The following SMG6 variants were observed in gnomAD, a reference collection of about 807,000 sequenced individuals.
SMG6 encodes the protein SMG6 nonsense mediated mRNA decay factor.
SMG6 carries 66 observed loss-of-function variants against 142.2 expected under a neutral mutation model. The ratio of observed to expected loss-of-function variants is 0.46; its 90% CI spans 0.38 to 0.57. SMG6 has a LOEUF of 0.57. SMG6 is among the 20% of genes least tolerant of loss of function. The pLI, the probability that SMG6 is intolerant of heterozygous loss-of-function variation, is 0.00. For synonymous variants in SMG6, 779 were observed against 702.4 expected, an observed-to-expected ratio of 1.11 and a Z score of -1.72; for missense variants, 1,793 against 1,832.0, an observed-to-expected ratio of 0.98 and a Z score of 0.39.
intron 13 of SMG6, among the ~76,000 whole-genome samples, chr17:2,169,063 T>TA (rs2071426222): frequency 6.6e-6 from 1 of 151,448 alleles, no homozygotes; most frequent in Non-Finnish European, 1.5e-5. Flanking sequence ...TTTTTTTTTT[T>TA]AATCAGCCAG....
In SMG6 at chr17:2,183,745, GACACACACACAC is replaced by G. The variant is rs56210030; in HGVS notation, c.3155+2906_3155+2917del. 7.5e-3 allele frequency among the ~76,000 whole-genome samples: 1,094 copies of G among 146,436 alleles called. 9 individuals carry two copies. The highest frequency in any genetic ancestry group is 0.016 in the African/African-American group (653 of 39,858). On this transcript the variant is annotated intron_variant, in intron 12 of 18. Coordinates refer to ENST00000263073, the MANE Select transcript of SMG6 (RefSeq NM_017575.5). ...GCTGATCCCTGATACAGGTGCGTGC[GACACACACACAC>G]ACACACACACACACACACACACACA...
chr17:2,267,361 A>AT (rs5818851), intron 8 of SMG6, among the ~76,000 whole-genome samples: 41,781 of 147,774 alleles, frequency 0.28, 6,595 homozygotes, highest in Admixed American at 0.36. Flanking sequence ...CACCTGGCTA[A>AT]TTTTTTTTTT....
At chr17:2,149,577 G>T (rs1213735938) in intron 13 of SMG6, among the ~76,000 whole-genome samples, 1 of 152,178 alleles carries the variant, frequency 6.6e-6, no homozygotes, top group Non-Finnish European at 1.5e-5. Flanking sequence ...GGGCTGTCCC[G>T]TGACCCCCAT....
At chr17:2,241,686 C>T (rs1055034410) in intron 9 of SMG6, among the ~76,000 whole-genome samples, 5 of 152,132 alleles carry the variant, frequency 3.3e-5, no homozygotes, top group Non-Finnish European at 7.3e-5. Flanking sequence ...CCACCGCACC[C>T]GGTCATTATC....
rs2068044422 is a variant in SMG6, at chr17:2,069,617, C to A, written c.3682-686G>T. Among the ~76,000 whole-genome samples the A allele has an allele frequency of 1.3e-5, 2 of 152,096 alleles. 1 individual carries two copies. The highest frequency in any genetic ancestry group is 4.2e-4 in the South Asian group (2 of 4,810). ...TCTCAAAAAACAAAAACAACAACAA[C>A]AAACAACGAACAATGAAGTTGAACT... is the stretch of plus-strand genomic sequence containing the variant. On this transcript the variant is annotated intron_variant, in intron 15 of 18. Transcript: ENST00000263073.
At chr17:2,120,104 G>A (rs755031989) in intron 13 of SMG6, among the ~76,000 whole-genome samples, 3 of 152,234 alleles carry the variant, frequency 2.0e-5, no homozygotes, top group Non-Finnish European at 4.4e-5. Flanking sequence ...CACCGCGCCC[G>A]GCCTCCATAC....
At chr17:2,238,819 G>C (rs1333314833) in intron 9 of SMG6, among the ~76,000 whole-genome samples, 1 of 152,098 alleles carries the variant, frequency 6.6e-6, no homozygotes, top group African/African-American at 2.4e-5. Context: ...TTTATAAAAA[G>C]TTTTTTAAAA....
chr17:2,078,124 A>G (rs2068311039), intron 15 of SMG6, among the ~76,000 whole-genome samples: 2 of 152,158 alleles, frequency 1.3e-5, no homozygotes, highest in Admixed American at 1.3e-4. Flanking sequence ...CTGGTATGCT[A>G]CAAACTCCAG....
At chr17:2,095,388 T>C (rs1476660259) in intron 13 of SMG6, among the ~76,000 whole-genome samples, 1 of 152,196 alleles carries the variant, frequency 6.6e-6, no homozygotes, top group Admixed American at 6.5e-5. Flanking sequence ...AATTTGCTCC[T>C]AATTGTATTT....
At chr17:2,275,031 G>A (rs2074618356) in intron 8 of SMG6, among the ~76,000 whole-genome samples, 1 of 150,908 alleles carries the variant, frequency 6.6e-6, no homozygotes, top group Non-Finnish European at 1.5e-5. Flanking sequence ...AAATAGGCGT[G>A]AGCATAAAAA....
chr17:2,288,038 G>A (rs1303869341), intron 6 of SMG6, among the ~76,000 whole-genome samples: 1 of 152,216 alleles, frequency 6.6e-6, no homozygotes, highest in African/African-American at 2.4e-5. Flanking sequence ...GACAGGCAGG[G>A]CATGGTGGCT....
At chr17:2,225,537 G>A (rs958009559) in intron 10 of SMG6, among the ~76,000 whole-genome samples, 2 of 151,842 alleles carry the variant, frequency 1.3e-5, no homozygotes, top group Admixed American at 6.6e-5. Context: ...AATATTTACT[G>A]TCAAAATAAT....
chr17:2,253,194 T>TAG (rs773820635), intron 8 of SMG6, among the ~76,000 whole-genome samples: 2 of 151,836 alleles, frequency 1.3e-5, no homozygotes, highest in Non-Finnish European at 2.9e-5. Flanking sequence ...CAGGCTGGAG[T>TAG]GCAGTGGCGC....
At position 2,300,459 on chromosome 17, in the gene SMG6, G is replaced by A. The variant is rs760088338; in HGVS notation, c.294C>T (p.Cys98=). The A allele has an allele frequency of 6.2e-7, 1 of 1,614,140 alleles. No homozygotes were observed. Residue 98 remains cysteine, a synonymous_variant, in exon 2 of 19, where the codon TGC becomes TGT. Transcript: ENST00000263073. ...TCTGCTCTTGGTTGTTCAGTTCCTT[G>A]CAGACATCTTTAACGGGCTGTGTAC... ...ENGTQPVKDV[C]KELNNQEQNG...
At chr17:2,128,903 G>A (rs1330112232) in intron 13 of SMG6, among the ~76,000 whole-genome samples, 1 of 151,150 alleles carries the variant, frequency 6.6e-6, no homozygotes, top group Non-Finnish European at 1.5e-5. Flanking sequence ...GAAAGAAAAT[G>A]GCATGCAAGC....
At chr17:2,244,907 A>G in intron 8 of SMG6, 188 bp from the exon 9 acceptor site, 1 of 592,266 alleles carries the variant, frequency 1.7e-6, no homozygotes, top group Non-Finnish European at 3.0e-6. Context: ...CGCTCAGCTG[A>G]GCCAAGATGA....
chr17:2,164,517 A>C (rs1276689246), intron 13 of SMG6, among the ~76,000 whole-genome samples: 1 of 152,154 alleles, frequency 6.6e-6, no homozygotes, highest in African/African-American at 2.4e-5. Context: ...CTGAGGCAGG[A>C]TCATCACTTG....
Position 2,068,682 on chromosome 17 carries a change from C to A in SMG6, c.3835+96G>T. The A allele has an allele frequency of 7.6e-7, 1 of 1,321,862 alleles. No homozygotes were observed. The highest frequency in any genetic ancestry group is 2.2e-5 in the Admixed American group (1 of 45,822). 81.9% of individuals were successfully genotyped at this position (1,321,862 alleles called of 1,614,324 possible). A position where few individuals can be genotyped will look rare whatever the true frequency, so the allele number is the denominator to read the frequency against. On this transcript the variant is annotated intron_variant, in intron 16 of 18. Coordinates refer to ENST00000263073, the MANE Select transcript of SMG6 (RefSeq NM_017575.5). The surrounding 1 kb of genome is among the most constrained non-coding windows in gnomAD (Gnocchi z 6.7). ...CAAATCCCATCTTACACACGCACAG[C>A]AGGGCTCTGCCTGCCTGGCCCCCAG...
chr17:2,287,119 G>C (rs1284369641), intron 6 of SMG6, among the ~76,000 whole-genome samples: 1 of 151,970 alleles, frequency 6.6e-6, no homozygotes, highest in African/African-American at 2.4e-5. Context: ...TTTTAGTAGA[G>C]ACGGGGTTTC....
Sources: gnomAD v4.1 joint callset for allele counts (sites outside exome capture counted in the v4.1 genomes callset) on GRCh38, gnomAD v4.1.1 for gene constraint, Gnocchi (gnomAD v3.1) non-coding constraint, MANE v1.5 for transcripts, NCBI Gene and HGNC (gene_info 2026-07-23, HGNC 2026-07-21) for gene names.